Variants in SLC25A21 observed in about 807,000 individuals in gnomAD.
The protein encoded by SLC25A21 is mitochondrial 2-oxodicarboxylate carrier.
In SLC25A21, 47 loss-of-function variants were observed where a neutral mutation model predicts 43.8. The observed-to-expected ratio is 1.07, with a 90% CI of 0.85 to 1.37. The LOEUF (loss-of-function observed/expected upper bound fraction) is 1.37. Ranked by LOEUF, SLC25A21 falls within the 40% of genes most tolerant of loss-of-function variation. The probability of loss-of-function intolerance (pLI) is 0.00; values close to 1 mark genes in which losing one functional copy is unlikely to be tolerated. For missense variants in SLC25A21, 352 were observed against 350.2 expected (o/e 1.00, Z -0.04); for synonymous variants, 131 against 121.3 (o/e 1.08, Z -0.52).
At chr14:36,702,475 C>CAAAAAAAAAAAAAAAAAA (rs1213350246) in intron 7 of SLC25A21, among the ~76,000 whole-genome samples, 1 of 66,164 alleles carries the variant, frequency 1.5e-5, no homozygotes, top group African/African-American at 5.9e-5. Context: ...CCTGTCTCCA[C>CAAAAAAAAAAAAAAAAAA]AAAAAAAAAA....
Position 36,790,422 on chromosome 14 carries a change from TGAATAATTAGTTACTCTGCTTTAGCTC to T in SLC25A21, c.203+23469_203+23495del, listed in dbSNP as rs1329834854. On this transcript the variant is annotated intron_variant, in intron 3 of 9. Coordinates refer to ENST00000331299, the MANE Select transcript of SLC25A21 (RefSeq NM_030631.4). ...CATCTGCTCTTGCCAGGTAAAATGC[TGAATAATTAGTTACTCTGCTTTAGCTC>T]GAATAATTAGTTACTCTGCTTTAGC... Among the ~76,000 whole-genome samples, 8 of 152,250 alleles carry T rather than the reference TGAATAATTAGTTACTCTGCTTTAGCTC, an allele frequency of 5.3e-5. No homozygotes were observed. In the South Asian group the frequency reaches 1.0e-3, roughly 20 times the overall value.
chr14:36,705,031 T>C (rs1883448826), intron 7 of SLC25A21, among the ~76,000 whole-genome samples: 1 of 152,154 alleles, frequency 6.6e-6, no homozygotes, highest in African/African-American at 2.4e-5. Flanking sequence ...GTTGGATAGC[T>C]GACCTGAGTT....
intron 1 of SLC25A21, among the ~76,000 whole-genome samples, chr14:36,994,170 C>A (rs1026491916): frequency 6.6e-6 from 1 of 152,070 alleles, no homozygotes; most frequent in African/African-American, 2.4e-5. Flanking sequence ...CATTAGGGAT[C>A]GGGGAGATGT....
At chr14:37,077,784 A>G (rs959228904) in intron 1 of SLC25A21, among the ~76,000 whole-genome samples, 2 of 152,196 alleles carry the variant, frequency 1.3e-5, no homozygotes, top group Non-Finnish European at 2.9e-5. Context: ...AAATCCCTAT[A>G]ATATACAGTT....
chr14:37,028,285 C>A lies in SLC25A21; in HGVS notation c.70+143996G>T, dbSNP rs137888807. 9.0e-3 allele frequency among the ~76,000 whole-genome samples: 1,363 copies of A among 152,114 alleles called. 17 individuals are homozygous for A. The highest frequency in any genetic ancestry group is 0.031 in the African/African-American group (1,304 of 41,512). Reference sequence around the variant, plus strand: ...ATTATAATGAAAAAGCACAGCAAAGCAATAGCATTGGGGAAGAGGTTTCTG... The same window carrying A: ...ATTATAATGAAAAAGCACAGCAAAGAAATAGCATTGGGGAAGAGGTTTCTG... On this transcript the variant is annotated intron_variant, in intron 1 of 9. Transcript: ENST00000331299.
chr14:36,826,662 G>C (rs1302407468), intron 2 of SLC25A21, among the ~76,000 whole-genome samples: 1 of 152,208 alleles, frequency 6.6e-6, no homozygotes, highest in Non-Finnish European at 1.5e-5. Context: ...ACATCAGTAT[G>C]GGCTGTTCAC....
intron 1 of SLC25A21, among the ~76,000 whole-genome samples, chr14:36,978,430 A>G (rs946485742): frequency 6.6e-6 from 1 of 152,190 alleles, no homozygotes; most frequent in Non-Finnish European, 1.5e-5. Flanking sequence ...TTGCTAACAA[A>G]TGCTAACGAA....
chr14:36,877,047 A>G (rs1316735470), intron 1 of SLC25A21, among the ~76,000 whole-genome samples: 1 of 152,076 alleles, frequency 6.6e-6, no homozygotes, highest in Non-Finnish European at 1.5e-5. Flanking sequence ...TACTCTGGGA[A>G]CTCAGACTTT....
chr14:36,805,087 A>C (rs538163704), intron 3 of SLC25A21, among the ~76,000 whole-genome samples: 1 of 152,148 alleles, frequency 6.6e-6, no homozygotes, highest in African/African-American at 2.4e-5. Flanking sequence ...TGAGACACCA[A>C]CCCTCCTAGA....
chr14:36,852,640 C>A (rs1453480357), intron 2 of SLC25A21, among the ~76,000 whole-genome samples: 5 of 151,924 alleles, frequency 3.3e-5, no homozygotes, highest in Non-Finnish European at 7.4e-5. Context: ...ATCAAAAATT[C>A]TTATTGGCGT....
chr14:36,706,445 C>T (rs923250648), intron 7 of SLC25A21, among the ~76,000 whole-genome samples: 9 of 152,090 alleles, frequency 5.9e-5, no homozygotes, highest in Non-Finnish European at 1.0e-4. Flanking sequence ...TGAGGTAGAC[C>T]GATGACTTCT....
At chr14:36,999,311 T>A (rs577351984) in intron 1 of SLC25A21, among the ~76,000 whole-genome samples, 1 of 152,194 alleles carries the variant, frequency 6.6e-6, no homozygotes, top group African/African-American at 2.4e-5. Context: ...TCTAATCATA[T>A]AGCATTTTGT....
At chr14:36,684,408 C>G (rs534601394) in intron 8 of SLC25A21, among the ~76,000 whole-genome samples, 2 of 152,214 alleles carry the variant, frequency 1.3e-5, no homozygotes, top group South Asian at 4.1e-4. Flanking sequence ...AATTAGGTGG[C>G]AATTTAATGG....
At chr14:36,874,507 T>C (rs1419595096) in intron 2 of SLC25A21, among the ~76,000 whole-genome samples, 1 of 152,202 alleles carries the variant, frequency 6.6e-6, no homozygotes, top group Non-Finnish European at 1.5e-5. Flanking sequence ...GCATTTTGCA[T>C]TGGCAAACAG....
intron 1 of SLC25A21, among the ~76,000 whole-genome samples, chr14:36,903,148 A>G (rs1018854558): frequency 1.3e-5 from 2 of 152,222 alleles, no homozygotes; most frequent in African/African-American, 2.4e-5. Flanking sequence ...AACATTTGCT[A>G]TAACTAGCCT....
intron 1 of SLC25A21, among the ~76,000 whole-genome samples, chr14:37,004,724 C>T (rs982102715): frequency 3.3e-4 from 50 of 152,086 alleles, no homozygotes; most frequent in African/African-American, 1.1e-3. Flanking sequence ...AGGGCACACC[C>T]TCCCTCCCAC....
At chr14:36,985,357 T>TTCTCACTCACTC in intron 1 of SLC25A21, among the ~76,000 whole-genome samples, 2 of 151,922 alleles carry the variant, frequency 1.3e-5, no homozygotes, top group African/African-American at 4.8e-5. Context: ...AAACTTAAAG[T>TTCTCACTCACTC]ATAATTTAAA....
intron 1 of SLC25A21, among the ~76,000 whole-genome samples, chr14:37,073,742 C>T (rs1253222409): frequency 6.6e-6 from 1 of 152,154 alleles, no homozygotes; most frequent in Non-Finnish European, 1.5e-5. Flanking sequence ...AGGTTAAATG[C>T]TCTGCCAGGC....
chr14:36,721,928 T>G lies in SLC25A21; in HGVS notation c.438+3642A>C, dbSNP rs528910168. ...TCACAGACAAAACATGAATGCATTC[T>G]CATGTTAAAACATTCAACATCACAA... is the stretch of plus-strand genomic sequence containing the variant. On this transcript the variant is annotated intron_variant, in intron 6 of 9. Coordinates refer to ENST00000331299, the MANE Select transcript of SLC25A21 (RefSeq NM_030631.4). Among the ~76,000 whole-genome samples the G allele has an allele frequency of 2.6e-5, 4 of 152,382 alleles. No individual in the cohort carries two copies. The East Asian group carries it at 7.7e-4, about 29-fold the overall frequency.
Sources: gnomAD v4.1 joint callset for allele counts (sites outside exome capture counted in the v4.1 genomes callset) on GRCh38, gnomAD v4.1.1 for gene constraint, MANE v1.5 for transcripts, NCBI Gene and HGNC (gene_info 2026-07-23, HGNC 2026-07-21) for gene names.